TSPAN13: variants seen among roughly 807,000 people sequenced by gnomAD.
The protein encoded by TSPAN13 is tetraspanin-13.
In TSPAN13, 18 loss-of-function variants were observed where a neutral mutation model predicts 26.9. The observed-to-expected ratio is 0.67, with a 90% CI of 0.46 to 0.99. The LOEUF (loss-of-function observed/expected upper bound fraction) is 0.99. Ranked by LOEUF, TSPAN13 falls within the 50% of genes least tolerant of loss-of-function variation. The pLI is 0.00. For missense variants in TSPAN13, 201 were observed against 249.6 expected, an observed-to-expected ratio of 0.81 and a Z score of 1.31; for synonymous variants, 116 against 98.4, an observed-to-expected ratio of 1.18 and a Z score of -1.06.
At chr7:16,779,164 G>A in intron 5 of TSPAN13, 48 bp downstream of exon 5, 2 of 1,434,168 alleles carry the variant, frequency 1.4e-6, no homozygotes, top group East Asian at 2.3e-5. Flanking sequence ...AGAGATTCCT[G>A]TTTTGCATGA....
chr7:16,776,239 C>A lies in TSPAN13; in HGVS notation c.92C>A (p.Ala31Asp). Reference sequence around the variant, plus strand: ...GTTAGTCTGCTGCTAATTGGAATTGCTGCGTGGGGCATTGGCTTCGGGCTG... The same window carrying A: ...GTTAGTCTGCTGCTAATTGGAATTGATGCGTGGGGCATTGGCTTCGGGCTG... ...TLVSLLLIGI[A>D]AWGIGFGLIS... The change falls in exon 2 of 6, where the codon GCT becomes GAT. Residue 31 changes from alanine (A) to aspartate (D), a missense_variant. Transcript: ENST00000262067. The A allele has an allele frequency of 1.2e-6, 2 of 1,613,990 alleles. No individual in the cohort carries two copies. Among genetic ancestry groups the A allele is most frequent in the Non-Finnish European group, 8.5e-7 (1 of 1,179,966 alleles).
Position 16,776,515 on chromosome 7 carries a change from T to G in TSPAN13, c.231+137T>G, listed in dbSNP as rs761862019. 281 of 801,642 alleles carry G rather than the reference T, an allele frequency of 3.5e-4. 1 individual carries two copies. The highest frequency in any genetic ancestry group is 5.1e-4 in the Non-Finnish European group (262 of 517,308). 49.7% of individuals were successfully genotyped at this position (801,642 alleles called of 1,614,324 possible). A position where few individuals can be genotyped will look rare whatever the true frequency, so the allele number is the denominator to read the frequency against. On this transcript the variant is annotated intron_variant, in intron 2 of 5. Transcript: ENST00000262067. The stretch of plus-strand genomic sequence containing the variant: ...TTATGCATATTTGTTCAAGAACTAT[T>G]AGAAACATTTCTTAGGGTAATGTTA...
chr7:16,757,855 T>C (rs1165893047), intron 1 of TSPAN13, among the ~76,000 whole-genome samples: 2 of 152,130 alleles, frequency 1.3e-5, no homozygotes, highest in East Asian at 3.9e-4. Flanking sequence ...ATTTTTGAGA[T>C]GGAGTTTCAC....
At chr7:16,770,216 T>C (rs1057325899) in intron 1 of TSPAN13, among the ~76,000 whole-genome samples, 2 of 151,638 alleles carry the variant, frequency 1.3e-5, no homozygotes, top group African/African-American at 2.4e-5. Context: ...ATTATTATTA[T>C]TATTTTTGAA....
At chr7:16,761,993 A>G (rs969974667) in intron 1 of TSPAN13, among the ~76,000 whole-genome samples, 1 of 152,202 alleles carries the variant, frequency 6.6e-6, no homozygotes, top group Non-Finnish European at 1.5e-5. Flanking sequence ...AATTTACAAC[A>G]TCTAATCTGT....
chr7:16,759,026 A>G (rs1439230415), intron 1 of TSPAN13, among the ~76,000 whole-genome samples: 1 of 152,220 alleles, frequency 6.6e-6, no homozygotes, highest in Non-Finnish European at 1.5e-5. Flanking sequence ...GATGATAAAT[A>G]AGTAAGTAAA....
chr7:16,757,221 T>G (rs1784489619), intron 1 of TSPAN13, among the ~76,000 whole-genome samples: 1 of 152,122 alleles, frequency 6.6e-6, no homozygotes, highest in Non-Finnish European at 1.5e-5. Context: ...ATCAAGGAAA[T>G]GTAGAAATAG....
Position 16,783,748 on chromosome 7 carries a change from C to T in TSPAN13, c.*257C>T. The stretch of plus-strand genomic sequence containing the variant: ...TGTATTCATTGTCGGGCACTGTCCA[C>T]TGTGGCCTTTCTTAGCATTTTTACC... On this transcript the variant is annotated 3_prime_UTR_variant, in exon 6 of 6. Transcript: ENST00000262067. The T allele has an allele frequency of 2.1e-6, 1 of 486,996 alleles. No homozygotes were observed. Among genetic ancestry groups the T allele is most frequent in the East Asian group, 3.3e-5 (1 of 30,022 alleles). 30.2% of individuals were successfully genotyped at this position (486,996 alleles called of 1,614,324 possible).
chr7:16,755,237 G>T (rs938412980), intron 1 of TSPAN13, among the ~76,000 whole-genome samples: 1 of 152,194 alleles, frequency 6.6e-6, no homozygotes, highest in Non-Finnish European at 1.5e-5. Context: ...AGGCTGCCTT[G>T]TGGTCACCAA....
chr7:16,770,796 A>G (rs1275975638), intron 1 of TSPAN13, among the ~76,000 whole-genome samples: 2 of 152,166 alleles, frequency 1.3e-5, no homozygotes, highest in African/African-American at 4.8e-5. Flanking sequence ...CACCTCTTGT[A>G]ATCAGCTTTT....
chr7:16,772,271 A>G (rs1198889428), intron 1 of TSPAN13, among the ~76,000 whole-genome samples: 1 of 152,180 alleles, frequency 6.6e-6, no homozygotes, highest in East Asian at 1.9e-4. Context: ...GGCAGGTTCT[A>G]TAACAGTGAG....
chr7:16,755,480 A>T (rs992584592), intron 1 of TSPAN13, among the ~76,000 whole-genome samples: 3 of 146,602 alleles, frequency 2.0e-5, no homozygotes, highest in Non-Finnish European at 4.5e-5. Context: ...CATCTGTATC[A>T]CCCTGAGGTA....
rs183595006 is a variant in TSPAN13, at chr7:16,765,047, C to G, written c.63+11017C>G. Among the ~76,000 whole-genome samples, 549 of 152,170 alleles carry G rather than the reference C, an allele frequency of 3.6e-3. 5 individuals carry two copies. Among genetic ancestry groups the G allele is most frequent in the African/African-American group, 0.013 (524 of 41,512 alleles). ...GTGCTAGGATTATAGATGTGAACCA[C>G]TATGCCCCACCTGTGCTGTAGCGTT... On this transcript the variant is annotated intron_variant, in intron 1 of 5. Coordinates refer to ENST00000262067, the MANE Select transcript of TSPAN13 (RefSeq NM_014399.4).
At chr7:16,768,038 G>A (rs890702948) in intron 1 of TSPAN13, among the ~76,000 whole-genome samples, 1 of 151,980 alleles carries the variant, frequency 6.6e-6, no homozygotes, top group Non-Finnish European at 1.5e-5. Flanking sequence ...TCAGCCTCCC[G>A]AGTAGCTGGG....
intron 5 of TSPAN13, among the ~76,000 whole-genome samples, chr7:16,782,535 TTGAAAC>T (rs980300443): frequency 6.6e-6 from 1 of 152,166 alleles, no homozygotes; most frequent in African/African-American, 2.4e-5. Context: ...TAAACCAACT[TTGAAAC>T]AGAAACAGAG....
rs946411525 is a variant in TSPAN13 at position 16,776,309 on chromosome 7, C to G, written c.162C>G (p.Ile54Met). 6.2e-7 allele frequency: 1 copy of G among 1,614,104 alleles called. No homozygotes were observed. Among genetic ancestry groups the G allele is most frequent in the South Asian group, 1.1e-5 (1 of 91,080 alleles). Residue 54 changes from isoleucine (I) to methionine (M), a missense_variant, in exon 2 of 6, where the codon ATC (isoleucine) becomes ATG (methionine). By Grantham distance (10) the Ile-to-Met change is conservative. Coordinates refer to ENST00000262067, the MANE Select transcript of TSPAN13 (RefSeq NM_014399.4). ...RVVGVVIAVG[I>M]FLFLIALVGL... is the part of the protein sequence containing the mutation. ...TCGGCGTGGTCATTGCAGTGGGCATCTTCTTGTTCCTGATTGCTTTAGTGG... is the reference window on the plus strand; with the variant it reads ...TCGGCGTGGTCATTGCAGTGGGCATGTTCTTGTTCCTGATTGCTTTAGTGG...
At chr7:16,771,660 A>G (rs1784680827) in intron 1 of TSPAN13, among the ~76,000 whole-genome samples, 2 of 152,238 alleles carry the variant, frequency 1.3e-5, no homozygotes, top group South Asian at 4.1e-4. Flanking sequence ...AAGGAAACAG[A>G]TTCTCCCTCT....
At chr7:16,772,206 C>A in intron 1 of TSPAN13, among the ~76,000 whole-genome samples, 1 of 151,994 alleles carries the variant, frequency 6.6e-6, no homozygotes, top group Non-Finnish European at 1.5e-5. Flanking sequence ...CATGAGGGTA[C>A]CAGAACACTT....
At chr7:16,775,360 T>G (rs897866080) in intron 1 of TSPAN13, among the ~76,000 whole-genome samples, 4 of 152,216 alleles carry the variant, frequency 2.6e-5, no homozygotes, top group African/African-American at 9.7e-5. Context: ...CAGTGTTGTT[T>G]TATAAATATA....
Sources: gnomAD v4.1 joint callset for allele counts (sites outside exome capture counted in the v4.1 genomes callset) on GRCh38, gnomAD v4.1.1 for gene constraint, MANE v1.5 for transcripts, NCBI Gene and HGNC (gene_info 2026-07-23, HGNC 2026-07-21) for gene names.